Variants in LRRC4C observed in about 807,000 individuals in gnomAD.
LRRC4C encodes leucine-rich repeat-containing protein 4C.
In LRRC4C, 5 loss-of-function variants were observed where a neutral mutation model predicts 33.6. That is an observed-to-expected ratio of 0.15 (90% CI 0.08 to 0.31). The LOEUF (loss-of-function observed/expected upper bound fraction) is 0.31, where lower values mean the gene tolerates loss of function less well. Among genes scored for constraint, LRRC4C ranks in the 10% least tolerant of loss-of-function variants. The probability of loss-of-function intolerance (pLI) is 1.00; values close to 1 mark genes in which losing one functional copy is unlikely to be tolerated. For missense variants in LRRC4C, 560 were observed against 796.7 expected (o/e 0.70, Z 3.58); for synonymous variants, 329 against 302.0 (o/e 1.09, Z -0.93).
intron 1 of LRRC4C, among the ~76,000 whole-genome samples, chr11:41,039,005 C>T (rs1368639047): frequency 4.6e-5 from 7 of 152,038 alleles, no homozygotes; most frequent in African/African-American, 4.8e-5. Context: ...AATTCTTTGC[C>T]AAGGCTCGAT....
intron 5 of LRRC4C, among the ~76,000 whole-genome samples, chr11:40,141,307 C>G (rs957071724): frequency 1.3e-5 from 2 of 152,054 alleles, no homozygotes. Context: ...GATTGCCCAC[C>G]ACCAACACCA....
At chr11:41,186,095 T>C (rs972718613) in intron 1 of LRRC4C, among the ~76,000 whole-genome samples, 7 of 152,112 alleles carry the variant, frequency 4.6e-5, no homozygotes, top group African/African-American at 1.7e-4. Context: ...GAATGTAGTA[T>C]AAAATTTTGT....
At chr11:40,227,974 T>C (rs1296455737) in intron 5 of LRRC4C, among the ~76,000 whole-genome samples, 1 of 152,208 alleles carries the variant, frequency 6.6e-6, no homozygotes, top group Admixed American at 6.5e-5. Flanking sequence ...CAGTTTATGA[T>C]TGCTGGTTTG....
chr11:41,329,289 C>A (rs1306278247), intron 1 of LRRC4C, among the ~76,000 whole-genome samples: 2 of 152,210 alleles, frequency 1.3e-5, no homozygotes, highest in Non-Finnish European at 2.9e-5. Flanking sequence ...AAATCTATAT[C>A]CTCTGCTAAG....
intron 3 of LRRC4C, among the ~76,000 whole-genome samples, chr11:40,362,507 G>T (rs556800766): frequency 4.1e-4 from 63 of 152,268 alleles, no homozygotes; most frequent in South Asian, 3.3e-3. Context: ...AACACCTGAG[G>T]TCAGGAGTTC....
At chr11:40,939,840 T>C (rs1350701626) in intron 1 of LRRC4C, among the ~76,000 whole-genome samples, 2 of 152,180 alleles carry the variant, frequency 1.3e-5, no homozygotes, top group African/African-American at 4.8e-5. Context: ...CAATTACCTG[T>C]CATCAGATCA....
chr11:40,568,823 A>G (rs566867771), intron 3 of LRRC4C, among the ~76,000 whole-genome samples: 1 of 152,320 alleles, frequency 6.6e-6, no homozygotes, highest in Admixed American at 6.5e-5. Context: ...GGAAATTAGG[A>G]AACAATCAAA....
chr11:41,059,211 T>TTGTTTTG (rs1565344349), intron 1 of LRRC4C, among the ~76,000 whole-genome samples: 1 of 2,440 alleles, frequency 4.1e-4, no homozygotes, highest in Admixed American at 0.01. Context: ...AAAATAAAAG[T>TTGTTTTG]TTTTTTTTTT....
chr11:40,628,480 AAAAAC>A (rs79916766), intron 3 of LRRC4C, among the ~76,000 whole-genome samples: 101 of 150,940 alleles, frequency 6.7e-4, no homozygotes, highest in Non-Finnish European at 8.7e-4. Context: ...TCCATCTCAA[AAAAAC>A]AAAACAAAAC....
intron 3 of LRRC4C, among the ~76,000 whole-genome samples, chr11:40,612,042 T>A (rs1001243125): frequency 2.0e-5 from 3 of 151,650 alleles, no homozygotes; most frequent in Non-Finnish European, 4.4e-5. Context: ...TTCTGAGTAT[T>A]TCTAAAAAAT....
chr11:40,842,363 A>G (rs541658982), intron 2 of LRRC4C, among the ~76,000 whole-genome samples: 2 of 152,276 alleles, frequency 1.3e-5, no homozygotes, highest in East Asian at 3.9e-4. Context: ...AGTGATCTTC[A>G]GTTCTTATCC....
intron 3 of LRRC4C, among the ~76,000 whole-genome samples, chr11:40,629,313 G>A (rs763584761): frequency 2.6e-5 from 4 of 151,842 alleles, no homozygotes; most frequent in Non-Finnish European, 4.4e-5. Context: ...GGCTTACTGG[G>A]CTGTTTTGTA....
chr11:40,887,748 A>G (rs1272442521), intron 2 of LRRC4C, among the ~76,000 whole-genome samples: 2 of 152,028 alleles, frequency 1.3e-5, no homozygotes. Context: ...TTGTCTGTGT[A>G]CATGCTAAGT....
intron 5 of LRRC4C, among the ~76,000 whole-genome samples, chr11:40,157,217 A>C (rs531213844): frequency 7.2e-4 from 110 of 152,278 alleles, no homozygotes; most frequent in African/African-American, 2.5e-3. Flanking sequence ...ATGTAGGAGA[A>C]TGAAACTGGA....
chr11:40,132,719 C>T (rs1221015902), intron 6 of LRRC4C, among the ~76,000 whole-genome samples: 2 of 151,914 alleles, frequency 1.3e-5, no homozygotes, highest in Admixed American at 1.3e-4. Flanking sequence ...TCTATTAAAA[C>T]AAACATAACC....
rs567388000 is a variant in LRRC4C at position 40,842,836 on chromosome 11, C to T, written c.-407+90799G>A. On this transcript the variant is annotated intron_variant, in intron 2 of 6. Coordinates refer to ENST00000528697, the MANE Select transcript of LRRC4C (RefSeq NM_001258419.2). ...TGTCAGAAATCCACCATCTTGTGTC[C>T]CACCTAAACAACTGATTCTACAACT... 3.3e-5 allele frequency among the ~76,000 whole-genome samples: 5 copies of T among 152,218 alleles called. No homozygotes were observed. In the South Asian group the frequency reaches 1.0e-3, roughly 32 times the overall value.
chr11:40,343,703 G>GT (rs138124827), intron 3 of LRRC4C, among the ~76,000 whole-genome samples: 3 of 66,688 alleles, frequency 4.5e-5, no homozygotes, highest in East Asian at 9.5e-4. Context: ...TCCAGGAGTT[G>GT]TTTTTTTGAA....
intron 2 of LRRC4C, among the ~76,000 whole-genome samples, chr11:40,815,421 T>C (rs1951666487): frequency 6.6e-6 from 1 of 152,176 alleles, no homozygotes; most frequent in Non-Finnish European, 1.5e-5. Flanking sequence ...CCAAACCATA[T>C]CAATACCCTT....
chr11:41,431,495 T>C (rs908716144), intron 1 of LRRC4C, among the ~76,000 whole-genome samples: 8 of 151,932 alleles, frequency 5.3e-5, no homozygotes, highest in Non-Finnish European at 1.2e-4. Flanking sequence ...TGGACAATTT[T>C]CCCCCTTGGT....
Sources: allele counts gnomAD v4.1 joint callset (sites outside exome capture counted in the v4.1 genomes callset), GRCh38; gene constraint gnomAD v4.1.1; transcripts MANE v1.5; gene names NCBI Gene and HGNC (gene_info 2026-07-23, HGNC 2026-07-21).